IL1RAPL1: variants seen among roughly 807,000 people sequenced by gnomAD.
The protein encoded by IL1RAPL1 is interleukin-1 receptor accessory protein-like 1.
A neutral mutation model predicts 48.4 loss-of-function variants in IL1RAPL1; 3 were observed. That is an observed-to-expected ratio of 0.06 (90% CI 0.03 to 0.16). IL1RAPL1 has a LOEUF of 0.16. IL1RAPL1 is among the 10% of genes least tolerant of loss of function. IL1RAPL1 has a pLI of 1.00. For missense variants in IL1RAPL1, 349 were observed against 530.6 expected, an observed-to-expected ratio of 0.66 and a Z score of 3.36; for synonymous variants, 185 against 187.7, an observed-to-expected ratio of 0.99 and a Z score of 0.12.
chrX:29,591,881 T>A (rs746491658), intron 5 of IL1RAPL1, among the ~76,000 whole-genome samples: 12 of 112,293 alleles, frequency 1.1e-4, no homozygotes, highest in African/African-American at 3.9e-4. Context: ...CAGGATCACA[T>A]GGCCAGAAAG....
At chrX:28,844,815 C>G (rs1435422733) in intron 2 of IL1RAPL1, among the ~76,000 whole-genome samples, 1 of 111,281 alleles carries the variant, frequency 9.0e-6, no homozygotes, top group Non-Finnish European at 1.9e-5. Flanking sequence ...GAACATGTTA[C>G]TTGATTGAGA....
intron 5 of IL1RAPL1, among the ~76,000 whole-genome samples, chrX:29,600,151 T>C (rs1354538528): frequency 8.9e-6 from 1 of 112,323 alleles, no homozygotes; most frequent in African/African-American, 3.2e-5. Context: ...TTGGGTAGAC[T>C]GTGTCAGAGG....
In IL1RAPL1 at chrX:29,456,590, G is replaced by T. The variant is rs189022885; in HGVS notation, c.703+57282G>T. Among the ~76,000 whole-genome samples, 222 of 110,952 alleles carry T rather than the reference G, an allele frequency of 2.0e-3. 1 individual carries two copies. The highest frequency in any genetic ancestry group is 6.9e-3 in the African/African-American group (212 of 30,558). On this transcript the variant is annotated intron_variant, in intron 5 of 10. Transcript: ENST00000378993. ...GCTGTAATCTGTGCTAGGTGCAGAA[G>T]ATATAATAATAAAACCAGCCAAAAG... is the stretch of plus-strand genomic sequence containing the variant.
At chrX:29,440,550 C>A (rs1482879480) in intron 5 of IL1RAPL1, among the ~76,000 whole-genome samples, 1 of 111,701 alleles carries the variant, frequency 9.0e-6, no homozygotes, top group African/African-American at 3.2e-5. Context: ...AGAGGAGCTA[C>A]CTCATTAATA....
chrX:29,779,970 C>T (rs997795632), intron 6 of IL1RAPL1, among the ~76,000 whole-genome samples: 11 of 110,830 alleles, frequency 9.9e-5, no homozygotes, highest in East Asian at 5.6e-4. Context: ...TTTGATTTGA[C>T]GACTAAGTAA....
intron 2 of IL1RAPL1, among the ~76,000 whole-genome samples, chrX:29,214,386 G>T (rs1930827320): frequency 9.0e-6 from 1 of 111,088 alleles, no homozygotes; most frequent in Non-Finnish European, 1.9e-5. Flanking sequence ...TGAGGATGTG[G>T]TTTTAAATAT....
At chrX:29,355,306 A>G (rs1302002106) in intron 3 of IL1RAPL1, among the ~76,000 whole-genome samples, 4 of 111,936 alleles carry the variant, frequency 3.6e-5, no homozygotes, top group African/African-American at 1.3e-4. Flanking sequence ...CAATCTTAAT[A>G]TCAAATGCCA....
intron 2 of IL1RAPL1, among the ~76,000 whole-genome samples, chrX:29,086,682 A>G (rs1253743639): frequency 1.8e-5 from 2 of 112,251 alleles, no homozygotes; most frequent in African/African-American, 3.2e-5. Flanking sequence ...CCAATCACCT[A>G]TTAACAAGCT....
chrX:29,716,314 C>G (rs1412907510), intron 6 of IL1RAPL1, among the ~76,000 whole-genome samples: 1 of 111,057 alleles, frequency 9.0e-6, no homozygotes, highest in Non-Finnish European at 1.9e-5. Flanking sequence ...GAAGAGGATA[C>G]ATACAATACA....
intron 5 of IL1RAPL1, among the ~76,000 whole-genome samples, chrX:29,612,046 T>C (rs1157852002): frequency 9.0e-6 from 1 of 111,096 alleles, no homozygotes. Context: ...GGGGGCATAG[T>C]AGGACAAAAG....
chrX:29,323,708 ATT>A (rs757667245), intron 3 of IL1RAPL1, among the ~76,000 whole-genome samples: 1 of 29,505 alleles, frequency 3.4e-5, no homozygotes, highest in African/African-American at 2.4e-4. Flanking sequence ...CTCATACTGA[ATT>A]TTTTATATAT....
chrX:29,366,553 ATTTTTTTTTTTTTTT>A (rs34164964), intron 3 of IL1RAPL1, among the ~76,000 whole-genome samples: 8 of 37,258 alleles, frequency 2.1e-4, no homozygotes, highest in African/African-American at 2.5e-4. Context: ...TGATAGGTCA[ATTTTTTTTTTTTTTT>A]TTTTTTTTTT....
rs548609326 is a variant in IL1RAPL1 at position 28,739,166 on chromosome X, G to A, written c.-24-50154G>A. ...TCTTTTCCCATTTCTTCCCATGACA[G>A]CTTTCTTTTAATCTTTTAAATTCCT... On this transcript the variant is annotated intron_variant, in intron 1 of 10. Transcript: ENST00000378993. 9.0e-5 allele frequency among the ~76,000 whole-genome samples: 10 copies of A among 111,082 alleles called. No homozygotes were observed. In the South Asian group the frequency reaches 3.4e-3, roughly 38 times the overall value.
chrX:29,101,526 G>A (rs367932574), intron 2 of IL1RAPL1, among the ~76,000 whole-genome samples: 23 of 111,540 alleles, frequency 2.1e-4, no homozygotes, highest in African/African-American at 7.2e-4. Context: ...CCCTGACACC[G>A]AAACCAGACA....
intron 3 of IL1RAPL1, among the ~76,000 whole-genome samples, chrX:29,285,522 C>CT (rs1293609272): frequency 2.6e-4 from 8 of 30,568 alleles, no homozygotes; most frequent in Non-Finnish European, 4.0e-4. Flanking sequence ...CAAACTCCGT[C>CT]TCAAAAAAAA....
intron 5 of IL1RAPL1, among the ~76,000 whole-genome samples, chrX:29,634,800 G>A (rs948781092): frequency 6.2e-5 from 7 of 112,108 alleles, no homozygotes; most frequent in African/African-American, 2.3e-4. Flanking sequence ...CAAGATATTT[G>A]AGGAAAGCTT....
chrX:28,911,637 G>A (rs1305626169), intron 2 of IL1RAPL1, among the ~76,000 whole-genome samples: 1 of 111,027 alleles, frequency 9.0e-6, no homozygotes, highest in Non-Finnish European at 1.9e-5. Context: ...TCGTTTAATG[G>A]TGTTATCTGT....
At chrX:28,929,987 G>C (rs759889657) in intron 2 of IL1RAPL1, among the ~76,000 whole-genome samples, 1 of 112,124 alleles carries the variant, frequency 8.9e-6, no homozygotes, top group South Asian at 3.7e-4. Context: ...TTGTATTCTT[G>C]GTAAGATCTC....
At chrX:29,311,634 A>C (rs1421673295) in intron 3 of IL1RAPL1, among the ~76,000 whole-genome samples, 1 of 112,344 alleles carries the variant, frequency 8.9e-6, no homozygotes, top group Non-Finnish European at 1.9e-5. Flanking sequence ...TAATGTAAAT[A>C]GCCATATGTT....
Sources: gnomAD v4.1 joint callset for allele counts (sites outside exome capture counted in the v4.1 genomes callset) on GRCh38, gnomAD v4.1.1 for gene constraint, MANE v1.5 for transcripts, NCBI Gene and HGNC (gene_info 2026-07-23, HGNC 2026-07-21) for gene names.